Variants in COL21A1 observed in about 807,000 individuals in gnomAD.
COL21A1 encodes the protein collagen alpha-1(XXI) chain.
A neutral mutation model predicts 137.9 loss-of-function variants in COL21A1; 149 were observed. That is an observed-to-expected ratio of 1.08 (90% CI 0.95 to 1.24). The LOEUF is 1.24. Ranked by LOEUF, COL21A1 falls within the 50% of genes most tolerant of loss-of-function variation. The pLI, the probability that COL21A1 is intolerant of heterozygous loss-of-function variation, is 0.00. For synonymous variants in COL21A1, 456 were observed against 391.5 expected, an observed-to-expected ratio of 1.16 and a Z score of -1.95; for missense variants, 1,167 against 1,158.4, an observed-to-expected ratio of 1.01 and a Z score of -0.11.
chr6:56,164,824 T>C lies in COL21A1; in HGVS notation c.1279-2A>G. ...AGTATCCAAGCCTACCTCTCCATTC[T>C]GAAAGAAAAACAACAAATGTGTTTT... On this transcript the variant is annotated splice_acceptor_variant, in intron 7 of 29. Transcript: ENST00000244728. LOFTEE classifies it high-confidence loss of function. 6.4e-7 allele frequency: 1 copy of C among 1,559,470 alleles called. No homozygotes were observed. Among genetic ancestry groups the C allele is most frequent in the Non-Finnish European group, 8.7e-7 (1 of 1,149,018 alleles).
At chr6:56,233,381 T>A (rs1781705432) in intron 1 of COL21A1, among the ~76,000 whole-genome samples, 1 of 151,708 alleles carries the variant, frequency 6.6e-6, no homozygotes, top group African/African-American at 2.4e-5. Context: ...ATAGAAACAG[T>A]TAATAACAGT....
chr6:56,323,047 G>T (rs1662906363), intron 1 of COL21A1, among the ~76,000 whole-genome samples: 1 of 151,968 alleles, frequency 6.6e-6, no homozygotes. Flanking sequence ...GGCGGTGAAG[G>T]ATGAAATATT....
At chr6:56,326,801 T>C (rs1765104683) in intron 1 of COL21A1, among the ~76,000 whole-genome samples, 1 of 152,048 alleles carries the variant, frequency 6.6e-6, no homozygotes, top group Non-Finnish European at 1.5e-5. Context: ...AAAACACATA[T>C]TCATTTCTAT....
At chr6:56,145,806 C>A (rs959113334) in intron 10 of COL21A1, among the ~76,000 whole-genome samples, 1 of 151,702 alleles carries the variant, frequency 6.6e-6, no homozygotes, top group Non-Finnish European at 1.5e-5. Context: ...AGATTTCTGA[C>A]AGTATTTAAG....
intron 24 of COL21A1, among the ~76,000 whole-genome samples, chr6:56,062,636 C>T (rs1238974636): frequency 2.6e-5 from 4 of 151,992 alleles, no homozygotes; most frequent in African/African-American, 7.2e-5. Context: ...AATTTTCAGG[C>T]TCCTCAAACA....
intron 1 of COL21A1, among the ~76,000 whole-genome samples, chr6:56,208,476 A>G (rs1779943406): frequency 6.6e-6 from 1 of 152,206 alleles, no homozygotes; most frequent in South Asian, 2.1e-4. Context: ...AAGGGATGTG[A>G]AGGATTCTTC....
chr6:56,337,529 A>G (rs970832440), intron 1 of COL21A1, among the ~76,000 whole-genome samples: 5 of 152,254 alleles, frequency 3.3e-5, no homozygotes, highest in African/African-American at 1.2e-4. Context: ...TTTCTGGTTT[A>G]GGGCTTCAGC....
At chr6:56,092,342 C>T (rs1023785136) in intron 17 of COL21A1, among the ~76,000 whole-genome samples, 8 of 152,042 alleles carry the variant, frequency 5.3e-5, no homozygotes, top group Admixed American at 3.9e-4. Context: ...CGATTTGTAT[C>T]CATGCAGATC....
Position 56,070,760 on chromosome 6 carries a change from C to A in COL21A1, c.2004G>T (p.Gly668=). The A allele has an allele frequency of 6.3e-7, 1 of 1,588,694 alleles. No individual in the cohort carries two copies. The part of the protein sequence containing the change: ...KGEPGIQGMP[G]ASGLKGEPGA... ...TCAAAATTACCTTGAGCCCAGAAGC[C>A]CCAGGCATCCCTTGAATTCCAGGTT... is the stretch of plus-strand genomic sequence containing the variant. The change falls in exon 21 of 30, where the codon GGG becomes GGT. Residue 668 remains glycine (G), a synonymous_variant. Transcript: ENST00000244728.
chr6:56,358,971 C>A (rs1765901036), intron 1 of COL21A1, among the ~76,000 whole-genome samples: 1 of 152,082 alleles, frequency 6.6e-6, no homozygotes, highest in Non-Finnish European at 1.5e-5. Flanking sequence ...TTGGTTAAAG[C>A]TTGGCAATTT....
In COL21A1 at chr6:56,164,483, TAC is replaced by T; in HGVS notation, c.1309_1310del (p.Val437ArgfsTer22). 6.3e-7 allele frequency: 1 copy of T among 1,587,872 alleles called. No homozygotes were observed. ...NGECLNGPSD[V>X]GSTPAPCICP... ...AAATACAGGGAGCTGGAGTTGAACCTACATCACTGGGACCATTAAGGCACTAT... is the reference window on the plus strand; with the variant it reads ...AAATACAGGGAGCTGGAGTTGAACCTATCACTGGGACCATTAAGGCACTAT... On this transcript the variant is annotated frameshift_variant, in exon 9 of 30. Transcript: ENST00000244728. LOFTEE classifies it high-confidence loss of function.
intron 1 of COL21A1, among the ~76,000 whole-genome samples, chr6:56,337,398 G>T (rs1329820808): frequency 2.6e-5 from 4 of 152,218 alleles, no homozygotes; most frequent in East Asian, 1.9e-4. Context: ...CTTCAAGGGG[G>T]TCTGCCTATA....
chr6:56,110,760 G>T (rs1771355346), intron 16 of COL21A1, among the ~76,000 whole-genome samples: 1 of 152,004 alleles, frequency 6.6e-6, no homozygotes, highest in South Asian at 2.1e-4. Context: ...ACTTAGATAT[G>T]AACTTAACAG....
intron 23 of COL21A1, among the ~76,000 whole-genome samples, chr6:56,066,981 G>A (rs1291341579): frequency 2.3e-5 from 3 of 128,354 alleles, no homozygotes; most frequent in African/African-American, 9.1e-5. Context: ...ATATATATGT[G>A]TGTGTGTGTG....
At chr6:56,154,452 C>A (rs1279905433) in intron 10 of COL21A1, among the ~76,000 whole-genome samples, 1 of 152,194 alleles carries the variant, frequency 6.6e-6, no homozygotes, top group Non-Finnish European at 1.5e-5. Context: ...GTTGCTCAAG[C>A]TATACTCCTT....
At chr6:56,070,017 CT>C (rs1450635669) in intron 21 of COL21A1, among the ~76,000 whole-genome samples, 10 of 151,444 alleles carry the variant, frequency 6.6e-5, no homozygotes, top group African/African-American at 2.4e-4. Flanking sequence ...ATTGTCCTTT[CT>C]GAAATAAAGT....
chr6:56,267,886 C>A (rs1014299828), intron 1 of COL21A1, among the ~76,000 whole-genome samples: 3 of 151,898 alleles, frequency 2.0e-5, no homozygotes, highest in Non-Finnish European at 4.4e-5. Flanking sequence ...CTGAAAGAGA[C>A]CAAAATATAC....
At position 56,182,519 on chromosome 6, in the gene COL21A1, G is replaced by A; in HGVS notation, c.88+12C>T. The A allele has an allele frequency of 1.3e-6, 2 of 1,552,028 alleles. No homozygotes were observed. Among genetic ancestry groups the A allele is most frequent in the East Asian group, 2.3e-5 (1 of 44,096 alleles). ...GTTGATAACAAAAAAGGACAATGCTGATAGTTCTTACTTGATCTTACTTCC... is the reference window on the plus strand; with the variant it reads ...GTTGATAACAAAAAAGGACAATGCTAATAGTTCTTACTTGATCTTACTTCC... On this transcript the variant is annotated intron_variant, in intron 2 of 29. Coordinates refer to ENST00000244728, the MANE Select transcript of COL21A1 (RefSeq NM_030820.4).
intron 1 of COL21A1, among the ~76,000 whole-genome samples, chr6:56,192,999 A>G (rs1778793339): frequency 6.6e-6 from 1 of 152,212 alleles, no homozygotes; most frequent in Non-Finnish European, 1.5e-5. Flanking sequence ...AAAAAGGATG[A>G]GTTCACGTCC....
Sources: allele counts gnomAD v4.1 joint callset (sites outside exome capture counted in the v4.1 genomes callset), GRCh38; gene constraint gnomAD v4.1.1; transcripts MANE v1.5; gene names NCBI Gene and HGNC (gene_info 2026-07-23, HGNC 2026-07-21).